HMCN1: variants seen among roughly 807,000 people sequenced by gnomAD.
HMCN1 encodes hemicentin-1.
HMCN1 carries 321 observed loss-of-function variants against 625.9 expected under a neutral mutation model. The ratio of observed to expected loss-of-function variants is 0.51; its 90% confidence interval spans 0.47 to 0.56. The LOEUF (loss-of-function observed/expected upper bound fraction) is 0.56, where lower values mean the gene tolerates loss of function less well. Ranked by LOEUF, HMCN1 falls within the 20% of genes least tolerant of loss-of-function variation. The pLI, the probability that HMCN1 is intolerant of heterozygous loss-of-function variation, is 0.00. For missense variants in HMCN1, 6,588 were observed against 6,887.3 expected, an observed-to-expected ratio of 0.96 and a Z score of 1.54; for synonymous variants, 2,425 against 2,417.6, an observed-to-expected ratio of 1.00 and a Z score of -0.09.
chr1:186,161,906 C>T (rs1571442142), intron 97 of HMCN1, among the ~76,000 whole-genome samples: 1 of 152,076 alleles, frequency 6.6e-6, no homozygotes, highest in East Asian at 1.9e-4. Context: ...CTTGGAGTTG[C>T]TCTTCTCAAG....
intron 1 of HMCN1, among the ~76,000 whole-genome samples, chr1:185,760,472 C>T (rs999838312): frequency 5.3e-5 from 8 of 152,014 alleles, no homozygotes; most frequent in East Asian, 1.9e-4. Context: ...AAGAATAGAC[C>T]GATGGTGTGG....
At position 186,137,936 on chromosome 1, in the gene HMCN1, G is replaced by A. The variant is rs146247104; in HGVS notation, c.13888G>A (p.Val4630Met). ...TGGGCGGCCATGTGAAGGGAATGCT[G>A]TGGAAATAATTATGTGCAACATTAG... ...HGGRPCEGNA[V>M]EIIMCNIRPC... Residue 4630 changes from valine to methionine, a missense_variant, in exon 89 of 107, where the codon GTG becomes ATG. This residue lies in a region of HMCN1 where 1,954 missense variants were observed against 2,013.1 expected (regional missense o/e 0.97). Coordinates refer to ENST00000271588, the MANE Select transcript of HMCN1 (RefSeq NM_031935.3). The A allele has an allele frequency of 3.2e-5, 51 of 1,613,866 alleles. No individual in the cohort carries two copies. The highest frequency in any genetic ancestry group is 1.5e-4 in the African/African-American group (11 of 74,912).
intron 43 of HMCN1, 60 bp downstream of exon 43, chr1:186,053,134 C>A (rs1017467637): frequency 1.4e-6 from 2 of 1,466,330 alleles, no homozygotes; most frequent in Non-Finnish European, 1.9e-6. Context: ...ATATTGATTT[C>A]GTTTAATAAA....
At chr1:186,119,685 A>T (rs1661304183) in intron 78 of HMCN1, 60 bp from the exon 79 acceptor site, 3 of 1,546,646 alleles carry the variant, frequency 1.9e-6, no homozygotes, top group Non-Finnish European at 2.7e-6. Flanking sequence ...TCATTACTAC[A>T]ATAGACATGG....
At chr1:185,781,813 A>G (rs1657136078) in intron 1 of HMCN1, among the ~76,000 whole-genome samples, 1 of 152,226 alleles carries the variant, frequency 6.6e-6, no homozygotes, top group Non-Finnish European at 1.5e-5. Flanking sequence ...GCTGAGAAGC[A>G]TGTATGTTCT....
At chr1:185,892,334 C>G (rs935312205) in intron 4 of HMCN1, among the ~76,000 whole-genome samples, 25 of 152,046 alleles carry the variant, frequency 1.6e-4, no homozygotes, top group Non-Finnish European at 3.4e-4. Flanking sequence ...CTCCGTCCAG[C>G]TTTGTTCCAT....
chr1:186,037,304 T>G lies in HMCN1; in HGVS notation c.5750-630T>G, dbSNP rs1485292036. ...AAAACATGGCATTAATGTTCCAAGT[T>G]ATTTCTTTTATATTATGCCTCTCGG... is the stretch of plus-strand genomic sequence containing the variant. On this transcript the variant is annotated intron_variant, in intron 36 of 106. Coordinates refer to ENST00000271588, the MANE Select transcript of HMCN1 (RefSeq NM_031935.3). Among the ~76,000 whole-genome samples, 5 of 152,316 alleles carry G rather than the reference T, an allele frequency of 3.3e-5. No homozygotes were observed. In the East Asian group the frequency reaches 9.7e-4, roughly 29 times the overall value.
rs1454526890 is a variant in HMCN1 at position 186,023,169 on chromosome 1, C to T, written c.5749+16C>T. The T allele has an allele frequency of 3.7e-6, 6 of 1,608,600 alleles. No individual in the cohort carries two copies. The highest frequency in any genetic ancestry group is 2.7e-5 in the African/African-American group (2 of 74,706). On this transcript the variant is annotated intron_variant, in intron 36 of 106. Coordinates refer to ENST00000271588, the MANE Select transcript of HMCN1 (RefSeq NM_031935.3). ...CATGTTCATGGTAATGTAATTTCTA[C>T]ACCTTAACAAAAGAATATTTGTATC...
rs182650228 is a variant in HMCN1, at chr1:185,805,958, T to G, written c.269-40068T>G. On this transcript the variant is annotated intron_variant, in intron 1 of 106. Transcript: ENST00000271588. The stretch of plus-strand genomic sequence containing the variant: ...TTTTTTTACATAGAGCTAAAAAAGA[T>G]CCTATCATTTTTATTCCTAGGGAAA... 7.6e-4 allele frequency among the ~76,000 whole-genome samples: 115 copies of G among 152,240 alleles called. 1 individual carries two copies. Among genetic ancestry groups the G allele is most frequent in the South Asian group, 4.2e-4 (2 of 4,818 alleles).
chr1:186,179,756 A>G (rs1458647545), intron 104 of HMCN1, among the ~76,000 whole-genome samples: 2 of 141,676 alleles, frequency 1.4e-5, no homozygotes, highest in East Asian at 1.9e-4. Flanking sequence ...TTCTCCTTCT[A>G]TCTTCAATTT....
At chr1:185,842,690 C>T (rs1392908002) in intron 1 of HMCN1, among the ~76,000 whole-genome samples, 1 of 151,756 alleles carries the variant, frequency 6.6e-6, no homozygotes, top group Non-Finnish European at 1.5e-5. Flanking sequence ...ATGACAGTGC[C>T]ACTGCACTCC....
chr1:186,046,737 C>G (rs986983241), intron 41 of HMCN1, among the ~76,000 whole-genome samples: 3 of 151,966 alleles, frequency 2.0e-5, no homozygotes, highest in African/African-American at 7.2e-5. Flanking sequence ...GCTAGTTTGG[C>G]TGGAACAGAT....
intron 42 of HMCN1, 42 bp downstream of exon 42, chr1:186,048,881 G>GT (rs1163483944): frequency 3.4e-6 from 4 of 1,191,600 alleles, no homozygotes; most frequent in Non-Finnish European, 5.0e-6. Flanking sequence ...TGCAGCTGTG[G>GT]TTTTTTGTGT....
At chr1:185,823,453 G>C (rs966797346) in intron 1 of HMCN1, among the ~76,000 whole-genome samples, 5 of 152,122 alleles carry the variant, frequency 3.3e-5, no homozygotes, top group Admixed American at 3.3e-4. Context: ...TTAATTTCAT[G>C]GTAATAAATA....
At chr1:186,008,881 C>T (rs1653807550) in intron 30 of HMCN1, among the ~76,000 whole-genome samples, 1 of 152,024 alleles carries the variant, frequency 6.6e-6, no homozygotes, top group Non-Finnish European at 1.5e-5. Context: ...CCAAATCTCC[C>T]TTTTTAAATG....
In HMCN1 at chr1:186,070,772, T is replaced by C; in HGVS notation, c.8139+15T>C. The C allele has an allele frequency of 6.2e-7, 1 of 1,613,450 alleles. No individual in the cohort carries two copies. Among genetic ancestry groups the C allele is most frequent in the South Asian group, 1.1e-5 (1 of 91,064 alleles). On this transcript the variant is annotated intron_variant, in intron 52 of 106. Coordinates refer to ENST00000271588, the MANE Select transcript of HMCN1 (RefSeq NM_031935.3). ...AGGATGGACAGGCCAGTCACAACTT[T>C]TTTCATTTGCTGATGATTTCTTAAA...
intron 28 of HMCN1, among the ~76,000 whole-genome samples, chr1:186,003,182 A>G (rs1045569375): frequency 7.2e-5 from 11 of 152,160 alleles, no homozygotes; most frequent in African/African-American, 2.7e-4. Flanking sequence ...ACGACTAGAC[A>G]GGGAAGTATC....
intron 85 of HMCN1, among the ~76,000 whole-genome samples, chr1:186,131,039 T>G (rs1172947618): frequency 6.6e-6 from 1 of 152,158 alleles, no homozygotes; most frequent in Non-Finnish European, 1.5e-5. Flanking sequence ...AGCTGATAAC[T>G]ATATTAGGCT....
intron 1 of HMCN1, among the ~76,000 whole-genome samples, chr1:185,784,205 C>A (rs907027919): frequency 6.6e-6 from 1 of 152,180 alleles, no homozygotes. Flanking sequence ...ATTGGAAAAG[C>A]GCAGTATTAG....
Sources: allele counts gnomAD v4.1 joint callset (sites outside exome capture counted in the v4.1 genomes callset), GRCh38; gene constraint gnomAD v4.1.1; regional missense constraint gnomAD v4.1.1; transcripts MANE v1.5; gene names NCBI Gene and HGNC (gene_info 2026-07-23, HGNC 2026-07-21).